The following ATP2B1 variants were observed in gnomAD, a reference collection of about 807,000 sequenced individuals.
ATP2B1 encodes plasma membrane calcium-transporting ATPase 1.
Under a neutral mutation model 124.2 loss-of-function variants are expected in ATP2B1, and 14 were observed. The observed-to-expected ratio is 0.11, with a 90% confidence interval of 0.07 to 0.18. The LOEUF is 0.18. Among genes scored for constraint, ATP2B1 ranks in the 10% least tolerant of loss-of-function variants. ATP2B1 has a pLI of 1.00. For missense variants in ATP2B1, 763 were observed against 1,466.1 expected (o/e 0.52, Z 7.83); for synonymous variants, 449 against 492.4 (o/e 0.91, Z 1.17).
chr12:89,658,646 A>AGAGAGAGAGAGAGAGAGAG, intron 1 of ATP2B1, among the ~76,000 whole-genome samples: 1 of 136,124 alleles, frequency 7.3e-6, no homozygotes, highest in Non-Finnish European at 1.6e-5. Context: ...AGAGAGAGAG[A>AGAGAGAGAGAGAGAGAGAG]GATAGAGATA....
chr12:89,681,548 T>A (rs1889355278), intron 1 of ATP2B1, among the ~76,000 whole-genome samples: 1 of 152,080 alleles, frequency 6.6e-6, no homozygotes, highest in South Asian at 2.1e-4. Flanking sequence ...GCCCAGCTAA[T>A]GCAAGTTTCT....
chr12:89,625,530 A>C (rs1880711482), intron 8 of ATP2B1, among the ~76,000 whole-genome samples: 1 of 138,774 alleles, frequency 7.2e-6, no homozygotes, highest in Non-Finnish European at 1.5e-5. Context: ...GGGTTCAGTG[A>C]GCTGTGATCA....
chr12:89,651,833 GCTTAA>G (rs1885294596), intron 2 of ATP2B1, among the ~76,000 whole-genome samples: 1 of 152,120 alleles, frequency 6.6e-6, no homozygotes, highest in Non-Finnish European at 1.5e-5. Flanking sequence ...TGGGTAAACT[GCTTAA>G]CTTTTTTGTC....
chr12:89,705,074 C>T (rs1377202858), intron 1 of ATP2B1, among the ~76,000 whole-genome samples: 1 of 152,060 alleles, frequency 6.6e-6, no homozygotes, highest in Non-Finnish European at 1.5e-5. Flanking sequence ...ATCATTCTCT[C>T]TACTTTCCTA....
chr12:89,638,861 A>T (rs757825564), intron 3 of ATP2B1, among the ~76,000 whole-genome samples: 28 of 152,178 alleles, frequency 1.8e-4, no homozygotes, highest in Non-Finnish European at 3.5e-4. Flanking sequence ...GAACACATTA[A>T]TATTCAAAAA....
intron 20 of ATP2B1, 115 bp from the exon 21 acceptor site, chr12:89,591,410 G>T: frequency 1.1e-6 from 1 of 873,352 alleles, no homozygotes; most frequent in Non-Finnish European, 1.7e-6. Flanking sequence ...ATATTTGCAT[G>T]TAATGCAGTG....
At chr12:89,680,644 G>A (rs1889227301) in intron 1 of ATP2B1, among the ~76,000 whole-genome samples, 1 of 152,048 alleles carries the variant, frequency 6.6e-6, no homozygotes, top group African/African-American at 2.4e-5. Context: ...AGTCTTTTCA[G>A]AAACAACGGA....
chr12:89,600,726 G>A (rs959750547), intron 19 of ATP2B1, among the ~76,000 whole-genome samples: 1 of 148,766 alleles, frequency 6.7e-6, no homozygotes, highest in Non-Finnish European at 1.5e-5. Context: ...TTGGCTCACT[G>A]CAACCTCTGC....
chr12:89,592,753 G>C (rs967996783), intron 20 of ATP2B1, among the ~76,000 whole-genome samples: 1 of 152,026 alleles, frequency 6.6e-6, no homozygotes, highest in East Asian at 1.9e-4. Context: ...GATTAAATTC[G>C]TTAGCACACT....
At position 89,642,158 on chromosome 12, in the gene ATP2B1, G is replaced by A. The variant is rs749604136; in HGVS notation, c.406C>T (p.Leu136Phe). 17 of 1,608,162 alleles carry A rather than the reference G, an allele frequency of 1.1e-5. No individual in the cohort carries two copies. The highest frequency in any genetic ancestry group is 4.5e-5 in the East Asian group (2 of 44,784). The change falls in exon 3 of 21, where the codon CTT (leucine) becomes TTT (phenylalanine). Residue 136 changes from leucine to phenylalanine, a missense_variant and splice_region_variant. Coordinates refer to ENST00000428670, the MANE Select transcript of ATP2B1 (RefSeq NM_001366521.1). ...FYQPPEGDNA[L>F]CGEVSVGEEE... ...GTCTTTTTTCCCCCCATTTACTTAC[G>A]TGCATTATCCCCTTCTGGAGGCTGA...
chr12:89,679,807 A>G (rs566436952), intron 1 of ATP2B1, among the ~76,000 whole-genome samples: 2 of 152,268 alleles, frequency 1.3e-5, no homozygotes, highest in African/African-American at 4.8e-5. Flanking sequence ...AAAATACTAA[A>G]TACTAGAATT....
chr12:89,648,970 T>G (rs1389728302), intron 2 of ATP2B1, among the ~76,000 whole-genome samples: 1 of 152,240 alleles, frequency 6.6e-6, no homozygotes, highest in Non-Finnish European at 1.5e-5. Flanking sequence ...GGTATTAAAT[T>G]TGCAGATACT....
chr12:89,646,091 G>GA (rs1415919945), intron 2 of ATP2B1, among the ~76,000 whole-genome samples: 3 of 149,908 alleles, frequency 2.0e-5, no homozygotes, highest in Non-Finnish European at 4.5e-5. Context: ...TTTTGTTTTT[G>GA]TTTTTTTTTG....
At chr12:89,662,426 T>C (rs972672851) in intron 1 of ATP2B1, among the ~76,000 whole-genome samples, 1 of 152,328 alleles carries the variant, frequency 6.6e-6, no homozygotes, top group Admixed American at 6.5e-5. Flanking sequence ...GAGTTTATTC[T>C]ACAAAGTTTT....
chr12:89,675,893 C>A (rs922825824), intron 1 of ATP2B1, among the ~76,000 whole-genome samples: 6 of 152,076 alleles, frequency 3.9e-5, no homozygotes, highest in African/African-American at 1.2e-4. Context: ...ATTTCAAAAA[C>A]AAATAATAAA....
At chr12:89,708,153 A>AGG (rs1024360349) in intron 1 of ATP2B1, among the ~76,000 whole-genome samples, 2 of 152,094 alleles carry the variant, frequency 1.3e-5, no homozygotes, top group Admixed American at 6.5e-5. Context: ...CAAGGATTAG[A>AGG]GGGGTGACCC....
Position 89,691,173 on chromosome 12 carries a change from C to G in ATP2B1, c.-222+17423G>C, listed in dbSNP as rs546768006. Among the ~76,000 whole-genome samples the G allele has an allele frequency of 3.0e-4, 46 of 151,876 alleles. 1 individual carries two copies. The South Asian group carries it at 3.5e-3, about 12-fold the overall frequency. ...CATGTAAACTGATTCATTTCTCTGT[C>G]TACAGGGAAAAAAAAATCATCATCC... On this transcript the variant is annotated intron_variant, in intron 1 of 20. Transcript: ENST00000428670.
At chr12:89,627,283 C>A (rs1337482282) in intron 7 of ATP2B1, among the ~76,000 whole-genome samples, 1 of 151,748 alleles carries the variant, frequency 6.6e-6, no homozygotes, top group African/African-American at 2.4e-5. Context: ...TACAAAATTA[C>A]CATCAGGCAA....
Position 89,648,843 on chromosome 12 carries a change from G to A in ATP2B1, c.209-6488C>T, listed in dbSNP as rs1884860521. ...GTGCAGCTGTCCTGCTCAGCTTCAG[G>A]AGACTGCTCCCTGCATCCTGGCTGC... On this transcript the variant is annotated intron_variant, in intron 2 of 20. Transcript: ENST00000428670. 2.6e-5 allele frequency among the ~76,000 whole-genome samples: 4 copies of A among 152,264 alleles called. No homozygotes were observed. The South Asian group carries it at 8.3e-4, about 31-fold the overall frequency.
Sources: allele counts gnomAD v4.1 joint callset (sites outside exome capture counted in the v4.1 genomes callset), GRCh38; gene constraint gnomAD v4.1.1; transcripts MANE v1.5; gene names NCBI Gene and HGNC (gene_info 2026-07-23, HGNC 2026-07-21).